CYLD: variants seen among roughly 807,000 people sequenced by gnomAD.
The protein encoded by CYLD is CYLD lysine 63 deubiquitinase.
CYLD carries 26 observed loss-of-function variants against 104.5 expected under a neutral mutation model. That is an observed-to-expected ratio of 0.25 (90% CI 0.18 to 0.35). The LOEUF (loss-of-function observed/expected upper bound fraction) is 0.35. Among genes scored for constraint, CYLD ranks in the 10% least tolerant of loss-of-function variants. The probability of loss-of-function intolerance (pLI) is 1.00; values close to 1 mark genes in which losing one functional copy is unlikely to be tolerated. For synonymous variants in CYLD, 385 were observed against 399.9 expected (o/e 0.96, Z 0.45); for missense variants, 703 against 1,136.1 (o/e 0.62, Z 5.48).
chr16:50,787,017 ATG>A lies in CYLD; in HGVS notation c.2041+77_2041+78del, dbSNP rs749602895. On this transcript the variant is annotated intron_variant, in intron 13 of 18. Transcript: ENST00000427738. The stretch of plus-strand genomic sequence containing the variant: ...TTCACATGTCAAAGTATTAGCTGAA[ATG>A]TGTGTCTGTGTAGTTGGGGGGTTTT... The A allele has an allele frequency of 5.3e-5, 68 of 1,274,020 alleles. No homozygotes were observed. In the African/African-American group the frequency reaches 8.5e-4, roughly 16 times the overall value. The allele number at this position is 1,274,020 out of a possible 1,614,324, so 78.9% of individuals were successfully genotyped here.
At chr16:50,750,779 C>T (rs1023731733) in intron 3 of CYLD, among the ~76,000 whole-genome samples, 2 of 151,836 alleles carry the variant, frequency 1.3e-5, no homozygotes, top group African/African-American at 4.8e-5. Flanking sequence ...AATTACCTTG[C>T]GTTATCATCT....
chr16:50,750,340 C>T, intron 3 of CYLD, 138 bp downstream of exon 3: 1 of 1,026,758 alleles, frequency 9.7e-7, no homozygotes, highest in Admixed American at 1.8e-5. Flanking sequence ...TAATATTCAT[C>T]ATCCTTGCTG....
chr16:50,777,897 C>T lies in CYLD; in HGVS notation c.1094C>T (p.Ser365Leu). 6.2e-7 allele frequency: 1 copy of T among 1,606,122 alleles called. No homozygotes were observed. Residue 365 changes from serine (S) to leucine (L), a missense_variant, in exon 8 of 19, where the codon TCA (serine) becomes TTA (leucine). Ser to Leu is a moderately radical substitution (Grantham distance 145, BLOSUM62 -2). Transcript: ENST00000427738. ...FYTLNGSSVD[S>L]QPQSKSKNTW... ...ACCTTAAATGGGTCTTCTGTTGACT[C>T]ACAACCACAATCCAAATCAAAAAAT...
At position 50,797,989 on chromosome 16, in the gene CYLD, G is replaced by A. The variant is rs1301539520; in HGVS notation, c.*1481G>A. On this transcript the variant is annotated 3_prime_UTR_variant, in exon 19 of 19. Transcript: ENST00000427738. ...GTTTTATACTGCTAAGTGCTTGGTT[G>A]GGGTGGTGAGATGATGATTAGATCA... is the stretch of plus-strand genomic sequence containing the variant. The A allele has an allele frequency of 4.3e-6, 1 of 232,084 alleles. No homozygotes were observed. Among genetic ancestry groups the A allele is most frequent in the Non-Finnish European group, 8.5e-6 (1 of 117,356 alleles). The allele number at this position is 232,084 out of a possible 1,614,324, so 14.4% of individuals were successfully genotyped here.
intron 1 of CYLD, chr16:50,742,424 C>G (rs1965770098): frequency 5.0e-6 from 1 of 198,874 alleles, no homozygotes; most frequent in African/African-American, 2.3e-5. Flanking sequence ...CGGGGCTTCC[C>G]CATCCCCCGA....
In CYLD at chr16:50,797,306, G is replaced by T. The variant is rs578058157; in HGVS notation, c.*798G>T. On this transcript the variant is annotated 3_prime_UTR_variant, in exon 19 of 19. Coordinates refer to ENST00000427738, the MANE Select transcript of CYLD (RefSeq NM_001378743.1). ...AATGGGGCAAAGTAAATTGATGAAA[G>T]AATTGGAGTGATAATAGTCCTTTAC... The T allele has an allele frequency of 1.7e-5, 4 of 232,270 alleles. No homozygotes were observed. Among genetic ancestry groups the T allele is most frequent in the African/African-American group, 8.8e-5 (4 of 45,402 alleles). The allele number at this position is 232,270 out of a possible 1,614,324, so 14.4% of individuals were successfully genotyped here.
rs925231296 is a variant in CYLD at position 50,756,444 on chromosome 16, T to C, written c.913+2020T>C. Among the ~76,000 whole-genome samples, 10 of 152,352 alleles carry C rather than the reference T, an allele frequency of 6.6e-5. No individual in the cohort carries two copies. In the East Asian group the frequency reaches 7.7e-4, roughly 12 times the overall value. The stretch of plus-strand genomic sequence containing the variant: ...TGTGATTGATCAGGGATCAGGACTC[T>C]AGTCAGAAATAGATTGCTCAACTTT... On this transcript the variant is annotated intron_variant, in intron 5 of 18. Coordinates refer to ENST00000427738, the MANE Select transcript of CYLD (RefSeq NM_001378743.1).
chr16:50,750,386 A>C (rs537150543), intron 3 of CYLD, among the ~76,000 whole-genome samples, 184 bp downstream of exon 3: 11 of 152,296 alleles, frequency 7.2e-5, no homozygotes, highest in South Asian at 6.2e-4. Flanking sequence ...ATAATCCAAA[A>C]CTTGCTTATA....
At chr16:50,778,232 T>TA (rs1969879508) in intron 8 of CYLD, 2 of 219,366 alleles carry the variant, frequency 9.1e-6, no homozygotes, top group Non-Finnish European at 1.8e-5. Flanking sequence ...CACTCCCTTT[T>TA]AAAAAATTTT....
chr16:50,786,495 C>T (rs13337656), intron 12 of CYLD: 73,829 of 195,306 alleles, frequency 0.38, 14,720 homozygotes, highest in Non-Finnish European at 0.41. Context: ...TGTGGTGGCG[C>T]ACACCTGTAA....
At chr16:50,760,747 A>G (rs1967814870) in intron 5 of CYLD, among the ~76,000 whole-genome samples, 1 of 152,178 alleles carries the variant, frequency 6.6e-6, no homozygotes, top group African/African-American at 2.4e-5. Context: ...ACACAATGTT[A>G]CCGTAACCTG....
At chr16:50,755,151 GTA>G (rs1162622076) in intron 5 of CYLD, among the ~76,000 whole-genome samples, 1 of 36,678 alleles carries the variant, frequency 2.7e-5, no homozygotes, top group Admixed American at 2.2e-4. Context: ...ACATATGTGT[GTA>G]TATACACACG....
At chr16:50,770,144 C>A (rs909245304) in intron 5 of CYLD, among the ~76,000 whole-genome samples, 1 of 152,038 alleles carries the variant, frequency 6.6e-6, no homozygotes, top group Non-Finnish European at 1.5e-5. Context: ...GCACATAAAT[C>A]TTTATTTCTT....
In CYLD at chr16:50,749,934, A is replaced by C. The variant is rs1966483036; in HGVS notation, c.236A>C (p.His79Pro). 6.2e-7 allele frequency: 1 copy of C among 1,614,130 alleles called. No individual in the cohort carries two copies. Among genetic ancestry groups the C allele is most frequent in the Non-Finnish European group, 8.5e-7 (1 of 1,180,010 alleles). The change falls in exon 3 of 19, where the codon CAT (histidine) becomes CCT (proline). Residue 79 changes from histidine (H) to proline (P), a missense_variant. Physicochemically the swap from His to Pro is moderately conservative, Grantham distance 77. Coordinates refer to ENST00000427738, the MANE Select transcript of CYLD (RefSeq NM_001378743.1). The part of the protein sequence containing the change: ...QIGLKILEQP[H>P]AVLFVDEKDV... ...GGATTAAAAATTCTAGAGCAACCTC[A>C]TGCAGTTCTCTTTGTTGATGAAAAG...
intron 12 of CYLD, chr16:50,785,201 A>G (rs8047910): frequency 0.56 from 84,968 of 151,894 alleles, 24,918 homozygotes; most frequent in African/African-American, 0.73. Context: ...TCATTCAGGA[A>G]TATAGAGAGA....
At chr16:50,756,945 G>A (rs1310796325) in intron 5 of CYLD, among the ~76,000 whole-genome samples, 1 of 152,052 alleles carries the variant, frequency 6.6e-6, no homozygotes, top group African/African-American at 2.4e-5. Context: ...AATCCTATCT[G>A]TATATTTAGG....
intron 3 of CYLD, 143 bp downstream of exon 3, chr16:50,750,345 T>C (rs1966518590): frequency 2.1e-6 from 2 of 967,788 alleles, no homozygotes; most frequent in Non-Finnish European, 3.2e-6. Flanking sequence ...TTCATCATCC[T>C]TGCTGATGAA....
At position 50,755,056 on chromosome 16, in the gene CYLD, T is replaced by C. The variant is rs533390216; in HGVS notation, c.913+632T>C. On this transcript the variant is annotated intron_variant, in intron 5 of 18. Transcript: ENST00000427738. ...ATGTATATATACATATATATGTATA[T>C]ATACATATAGATATGTATACATATA... Among the ~76,000 whole-genome samples, 195 of 126,068 alleles carry C rather than the reference T, an allele frequency of 1.5e-3. 37 individuals carry two copies. Among genetic ancestry groups the C allele is most frequent in the Non-Finnish European group, 1.7e-3 (105 of 62,114 alleles). The allele number at this position is 126,068 out of a possible 152,430, so 82.7% of individuals were successfully genotyped here.
At chr16:50,755,798 A>G (rs1331672407) in intron 5 of CYLD, among the ~76,000 whole-genome samples, 1 of 152,088 alleles carries the variant, frequency 6.6e-6, no homozygotes, top group African/African-American at 2.4e-5. Flanking sequence ...TGTAGGATGT[A>G]TAGATTGTGA....
Sources: allele counts gnomAD v4.1 joint callset (sites outside exome capture counted in the v4.1 genomes callset), GRCh38; gene constraint gnomAD v4.1.1; transcripts MANE v1.5; gene names NCBI Gene and HGNC (gene_info 2026-07-23, HGNC 2026-07-21).